EEF1D: variants seen among roughly 807,000 people sequenced by gnomAD.
EEF1D encodes the protein elongation factor 1-delta.
In EEF1D, 47 loss-of-function variants were observed where a neutral mutation model predicts 63.9. The ratio of observed to expected loss-of-function variants is 0.74; its 90% CI spans 0.58 to 0.94. The LOEUF (loss-of-function observed/expected upper bound fraction) is 0.94, where lower values mean the gene tolerates loss of function less well. Among genes scored for constraint, EEF1D ranks in the 40% least tolerant of loss-of-function variants. The pLI, the probability that EEF1D is intolerant of heterozygous loss-of-function variation, is 0.00. For synonymous variants in EEF1D, 412 were observed against 386.1 expected (o/e 1.07, Z -0.79); for missense variants, 907 against 899.0 (o/e 1.01, Z -0.11).
At chr8:143,595,553 C>T (rs1042120343) in intron 1 of EEF1D, among the ~76,000 whole-genome samples, 2 of 152,240 alleles carry the variant, frequency 1.3e-5, no homozygotes, top group Non-Finnish European at 1.5e-5. Flanking sequence ...CATTCCCACT[C>T]AGCCACTTTC....
chr8:143,579,914 C>T (rs1395450772), intron 9 of EEF1D, 84 bp from the exon 10 acceptor site: 13 of 1,549,624 alleles, frequency 8.4e-6, no homozygotes, highest in Non-Finnish European at 1.1e-5. Flanking sequence ...GTGGGGTTCA[C>T]TCTGGGACTC....
In EEF1D at chr8:143,579,737, A is replaced by G. The variant is rs1824902228; in HGVS notation, c.*55T>C. On this transcript the variant is annotated 3_prime_UTR_variant, in exon 10 of 10. Coordinates refer to ENST00000618139, the MANE Select transcript of EEF1D (RefSeq NM_001130053.5). ...AGGACGGAGCCAGAGGGCCGGTCTC[A>G]GTCTTTAATCGTGGCAGGGCCTCAC... 1 of 1,500,726 alleles carries G rather than the reference A, an allele frequency of 6.7e-7. No homozygotes were observed. Among genetic ancestry groups the G allele is most frequent in the African/African-American group, 1.5e-5 (1 of 66,458 alleles). The allele number at this position is 1,500,726 out of a possible 1,614,324, so 93.0% of individuals were successfully genotyped here.
rs778670002 is a variant in EEF1D, at chr8:143,580,592, C to G, written c.1624G>C (p.Glu542Gln). Reference protein sequence around the residue: ...EEDKEAAQLREERLRQYAEKK... With the variant: ...EEDKEAAQLRQERLRQYAEKK... Reference sequence around the variant, plus strand: ...TCCGCGTACTGCCGTAGCCGCTCCTCCCGCAGCTGTGCCGCCTCCTTGTCC... The same window carrying G: ...TCCGCGTACTGCCGTAGCCGCTCCTGCCGCAGCTGTGCCGCCTCCTTGTCC... Residue 542 changes from glutamate to glutamine, a missense_variant, in exon 8 of 10, where the codon GAG (glutamate) becomes CAG (glutamine). Coordinates refer to ENST00000618139, the MANE Select transcript of EEF1D (RefSeq NM_001130053.5). 2.5e-6 allele frequency: 4 copies of G among 1,613,638 alleles called. No individual in the cohort carries two copies. The East Asian group carries it at 6.7e-5, about 27-fold the overall frequency.
intron 1 of EEF1D, among the ~76,000 whole-genome samples, chr8:143,593,146 C>T (rs1828253761): frequency 6.6e-6 from 1 of 152,030 alleles, no homozygotes; most frequent in Admixed American, 6.5e-5. Context: ...TGACAAGGAC[C>T]CTCAAGGGGG....
At chr8:143,585,561 C>A (rs1826417383) in intron 5 of EEF1D, among the ~76,000 whole-genome samples, 1 of 152,228 alleles carries the variant, frequency 6.6e-6, no homozygotes, top group Admixed American at 6.5e-5. Flanking sequence ...AACACTGACC[C>A]CGTTCTTGGG....
chr8:143,586,391 G>T, intron 4 of EEF1D, 101 bp from the exon 5 acceptor site: 1 of 1,125,980 alleles, frequency 8.9e-7, no homozygotes, highest in Non-Finnish European at 1.2e-6. Flanking sequence ...CATAGAGACA[G>T]CAAGAAAGTA....
At chr8:143,593,972 A>G (rs940349935) in intron 1 of EEF1D, 1 of 966,688 alleles carries the variant, frequency 1.0e-6, no homozygotes. Flanking sequence ...CCTCTCCAGC[A>G]GGAGAGCCCG....
intron 2 of EEF1D, 52 bp from the exon 3 acceptor site, chr8:143,590,133 G>C: frequency 6.3e-7 from 1 of 1,597,606 alleles, no homozygotes; most frequent in Non-Finnish European, 8.5e-7. Context: ...GCAACACAGC[G>C]GGTGGCCGCA....
rs368176031 is a variant in EEF1D, at chr8:143,586,499, A to G, written c.1216-209T>C. Among the ~76,000 whole-genome samples, 146 of 152,322 alleles carry G rather than the reference A, an allele frequency of 9.6e-4. 1 individual carries two copies. In the South Asian group the frequency reaches 0.016, roughly 16 times the overall value. ...CCATGTCTGCGGGGGAAGGAGTGCC[A>G]GGCCTGGCCCCACACCAAGTGCACA... is the stretch of plus-strand genomic sequence containing the variant. On this transcript the variant is annotated intron_variant, in intron 4 of 9. Transcript: ENST00000618139.
intron 1 of EEF1D, chr8:143,593,854 C>A (rs1236082054): frequency 2.0e-6 from 2 of 985,312 alleles, no homozygotes; most frequent in Non-Finnish European, 2.4e-6. Flanking sequence ...CCGCTTCCCG[C>A]ATTCCCAAGC....
intron 2 of EEF1D, chr8:143,592,147 G>C (rs918653360): frequency 1.0e-6 from 1 of 985,396 alleles, no homozygotes; most frequent in Non-Finnish European, 1.2e-6. Context: ...GTGGGAGCAA[G>C]AGCCCAGGAG....
At chr8:143,597,321 C>T (rs947717529) in intron 1 of EEF1D, 27 bp downstream of exon 1, 4 of 152,188 alleles carry the variant, frequency 2.6e-5, no homozygotes, top group African/African-American at 9.6e-5. Context: ...GCGCCCGACT[C>T]CTTCCGGCGG....
chr8:143,584,459 C>T lies in EEF1D; in HGVS notation c.1287+1760G>A, dbSNP rs561696227. ...GCAGACACCTGCAGTCTCAGCTACT[C>T]GGGAGGCTGACACAGGAGAATCGCT... is the stretch of plus-strand genomic sequence containing the variant. On this transcript the variant is annotated intron_variant, in intron 5 of 9. Coordinates refer to ENST00000618139, the MANE Select transcript of EEF1D (RefSeq NM_001130053.5). Among the ~76,000 whole-genome samples, 253 of 151,796 alleles carry T rather than the reference C, an allele frequency of 1.7e-3. 1 individual carries two copies. The highest frequency in any genetic ancestry group is 5.9e-3 in the African/African-American group (245 of 41,358).
intron 2 of EEF1D, chr8:143,590,952 G>A (rs1046360177): frequency 1.3e-5 from 2 of 152,436 alleles, no homozygotes. Context: ...CTCCCCAGGA[G>A]GGGGCCAGGT....
intron 9 of EEF1D, 80 bp downstream of exon 9, chr8:143,579,932 A>G (rs1175793118): frequency 1.3e-6 from 2 of 1,555,888 alleles, no homozygotes; most frequent in Non-Finnish European, 1.7e-6. Flanking sequence ...CTCGCTCCCC[A>G]CTGCCGTGGG....
chr8:143,585,765 A>G (rs1826463806), intron 5 of EEF1D, among the ~76,000 whole-genome samples: 1 of 152,140 alleles, frequency 6.6e-6, no homozygotes, highest in Non-Finnish European at 1.5e-5. Context: ...CCAACTCAAG[A>G]CGGTGCCAAC....
intron 7 of EEF1D, 151 bp downstream of exon 7, chr8:143,580,903 A>C: frequency 8.8e-7 from 1 of 1,138,054 alleles, no homozygotes; most frequent in Non-Finnish European, 1.3e-6. Flanking sequence ...CCACCTGCCC[A>C]GGGCTAACTG....
At chr8:143,593,249 T>C (rs1563993714) in intron 1 of EEF1D, among the ~76,000 whole-genome samples, 1 of 151,974 alleles carries the variant, frequency 6.6e-6, no homozygotes, top group East Asian at 1.9e-4. Context: ...CAGCACAAGC[T>C]ACAAAGGCCT....
intron 1 of EEF1D, chr8:143,596,299 C>G (rs1269858551): frequency 6.6e-6 from 1 of 152,310 alleles, no homozygotes; most frequent in Non-Finnish European, 1.5e-5. Context: ...AGAGGCAGGT[C>G]TAGGAGCCTG....
Sources: gnomAD v4.1 joint callset for allele counts (sites outside exome capture counted in the v4.1 genomes callset) on GRCh38, gnomAD v4.1.1 for gene constraint, MANE v1.5 for transcripts, NCBI Gene and HGNC (gene_info 2026-07-23, HGNC 2026-07-21) for gene names.